The following LARP4 variants were observed in gnomAD, a reference collection of about 807,000 sequenced individuals.
LARP4 encodes la-related protein 4.
In LARP4, 29 loss-of-function variants were observed where a neutral mutation model predicts 92.9. The ratio of observed to expected loss-of-function variants is 0.31; its 90% CI spans 0.23 to 0.43. The LOEUF (loss-of-function observed/expected upper bound fraction) is 0.43, where lower values mean the gene tolerates loss of function less well. LARP4 is among the 20% of genes least tolerant of loss of function. The pLI, the probability that LARP4 is intolerant of heterozygous loss-of-function variation, is 1.00. For missense variants in LARP4, 732 were observed against 860.0 expected (o/e 0.85, Z 1.86); for synonymous variants, 279 against 284.1 (o/e 0.98, Z 0.18).
chr12:50,427,246 A>G (rs1948936445), intron 1 of LARP4, among the ~76,000 whole-genome samples: 1 of 152,268 alleles, frequency 6.6e-6, no homozygotes, highest in Non-Finnish European at 1.5e-5. Flanking sequence ...CTGGAAAATT[A>G]CTGTAGATAA....
intron 13 of LARP4, among the ~76,000 whole-genome samples, chr12:50,471,400 A>G (rs551343205): frequency 6.1e-4 from 93 of 152,302 alleles, no homozygotes; most frequent in African/African-American, 2.1e-3. Flanking sequence ...GTGATATTCT[A>G]TTGTAGGAAG....
chr12:50,462,066 T>C (rs2138702569), intron 11 of LARP4, among the ~76,000 whole-genome samples: 1 of 152,352 alleles, frequency 6.6e-6, no homozygotes, highest in South Asian at 2.1e-4. Flanking sequence ...GGGCTCATCT[T>C]ACTTTATGGT....
chr12:50,448,002 G>A (rs1952504834), intron 8 of LARP4, among the ~76,000 whole-genome samples: 1 of 152,072 alleles, frequency 6.6e-6, no homozygotes, highest in Non-Finnish European at 1.5e-5. Context: ...GAGTAGCTGG[G>A]ATTACAGGCA....
At chr12:50,461,397 G>T (rs746870293) in intron 11 of LARP4, 50 bp downstream of exon 11, 4 of 1,484,870 alleles carry the variant, frequency 2.7e-6, no homozygotes, top group Admixed American at 3.8e-5. Flanking sequence ...TGATCATCCT[G>T]AATAATTGAA....
chr12:50,425,330 C>A (rs914568971), intron 1 of LARP4, among the ~76,000 whole-genome samples: 1 of 152,016 alleles, frequency 6.6e-6, no homozygotes, highest in Non-Finnish European at 1.5e-5. Context: ...TGTATTTATT[C>A]GGATTTAATG....
At chr12:50,450,091 G>A (rs1444428174) in intron 8 of LARP4, among the ~76,000 whole-genome samples, 2 of 151,798 alleles carry the variant, frequency 1.3e-5, no homozygotes, top group African/African-American at 2.4e-5. Context: ...GCACCACCAC[G>A]CCCAGCTAAT....
At position 50,467,140 on chromosome 12, in the gene LARP4, G is replaced by A; in HGVS notation, c.1545+20G>A. 1.9e-6 allele frequency: 3 copies of A among 1,575,280 alleles called. No individual in the cohort carries two copies. The highest frequency in any genetic ancestry group is 2.6e-6 in the Non-Finnish European group (3 of 1,150,516). Reference sequence around the variant, plus strand: ...GAAAAGGTAAACACCCAGCATCTGAGTCTTACCTTATGAGACCATATTTAG... The same window carrying A: ...GAAAAGGTAAACACCCAGCATCTGAATCTTACCTTATGAGACCATATTTAG... On this transcript the variant is annotated intron_variant, in intron 13 of 15. Transcript: ENST00000398473.
At chr12:50,439,774 A>C in intron 6 of LARP4, among the ~76,000 whole-genome samples, 1 of 151,820 alleles carries the variant, frequency 6.6e-6, no homozygotes, top group East Asian at 1.9e-4. Flanking sequence ...ATGTTCACTT[A>C]ATTTTTTTTT....
intron 5 of LARP4, 136 bp downstream of exon 5, chr12:50,435,760 C>T (rs1431807028): frequency 9.3e-6 from 6 of 647,514 alleles, no homozygotes; most frequent in African/African-American, 5.6e-5. Context: ...CGAATTCTCT[C>T]TCTTTGTTTT....
intron 1 of LARP4, among the ~76,000 whole-genome samples, chr12:50,427,371 T>G (rs1322899090): frequency 6.6e-6 from 1 of 152,144 alleles, no homozygotes; most frequent in Non-Finnish European, 1.5e-5. Flanking sequence ...TCTATTTTAT[T>G]TATTTTTCTG....
In LARP4 at chr12:50,440,425, C is replaced by T. The variant is rs758494869; in HGVS notation, c.640-14C>T. 1.3e-6 allele frequency: 2 copies of T among 1,594,156 alleles called. No individual in the cohort carries two copies. Among genetic ancestry groups the T allele is most frequent in the Non-Finnish European group, 1.7e-6 (2 of 1,163,866 alleles). Reference sequence around the variant, plus strand: ...GTATTTTTTAGAGTTAACTAATTTTCTTTTTCTTTTTAGGAAGTGAAAGGT... The same window carrying T: ...GTATTTTTTAGAGTTAACTAATTTTTTTTTTCTTTTTAGGAAGTGAAAGGT... On this transcript the variant is annotated splice_polypyrimidine_tract_variant and intron_variant, in intron 6 of 15. Transcript: ENST00000398473.
At chr12:50,470,685 C>T (rs895244270) in intron 13 of LARP4, among the ~76,000 whole-genome samples, 2 of 152,000 alleles carry the variant, frequency 1.3e-5, no homozygotes, top group South Asian at 2.1e-4. Flanking sequence ...CCACCGTGCC[C>T]GGCCATGTAT....
Position 50,446,333 on chromosome 12 carries a change from C to G in LARP4, c.804+4690C>G, listed in dbSNP as rs1449455402. Among the ~76,000 whole-genome samples, 143 of 15,086 alleles carry G rather than the reference C, an allele frequency of 9.5e-3. 4 individuals are homozygous for G. Among genetic ancestry groups the G allele is most frequent in the Non-Finnish European group, 0.042 (104 of 2,506 alleles). The allele number at this position is 15,086 out of a possible 152,430, so 9.9% of individuals were successfully genotyped here. A position where few individuals can be genotyped will look rare whatever the true frequency, so the allele number is the denominator to read the frequency against. On this transcript the variant is annotated intron_variant, in intron 8 of 15. Transcript: ENST00000398473. ...TTGCTGTTTTCTTGACTAGTGGTCT[C>G]TCTCTCTCCCTCTCTCTCTCTCTCT...
chr12:50,411,040 A>G (rs1210956975), intron 1 of LARP4, among the ~76,000 whole-genome samples: 1 of 152,164 alleles, frequency 6.6e-6, no homozygotes. Context: ...TGGTGGAAAC[A>G]ACTTAGGGTG....
chr12:50,429,537 CTG>C (rs1329251245), intron 3 of LARP4, among the ~76,000 whole-genome samples: 9 of 151,906 alleles, frequency 5.9e-5, no homozygotes, highest in African/African-American at 1.9e-4. Context: ...CAGAGTGAAA[CTG>C]TGTCTGAAAA....
At chr12:50,418,099 G>A (rs1947153008) in intron 1 of LARP4, among the ~76,000 whole-genome samples, 1 of 152,190 alleles carries the variant, frequency 6.6e-6, no homozygotes, top group Non-Finnish European at 1.5e-5. Context: ...GATCTCAGGT[G>A]ATCCACCCGC....
chr12:50,445,013 C>A (rs1204368589), intron 8 of LARP4, among the ~76,000 whole-genome samples: 1 of 136,398 alleles, frequency 7.3e-6, no homozygotes, highest in Non-Finnish European at 1.6e-5. Flanking sequence ...TCGCACCCAC[C>A]CCCGGCCCGA....
chr12:50,473,825 G>T (rs1957228519), intron 14 of LARP4, among the ~76,000 whole-genome samples, 174 bp from the exon 15 acceptor site: 1 of 138,024 alleles, frequency 7.2e-6, no homozygotes, highest in Non-Finnish European at 1.6e-5. Flanking sequence ...GGGGGGGGTG[G>T]GGGGTGCGGG....
chr12:50,436,307 A>G (rs1565609629), intron 5 of LARP4, among the ~76,000 whole-genome samples: 5 of 150,860 alleles, frequency 3.3e-5, no homozygotes, highest in Admixed American at 1.3e-4. Context: ...GTGAGCCACC[A>G]CCCCCGGCCT....
Sources: gnomAD v4.1 joint callset for allele counts (sites outside exome capture counted in the v4.1 genomes callset) on GRCh38, gnomAD v4.1.1 for gene constraint, MANE v1.5 for transcripts, NCBI Gene and HGNC (gene_info 2026-07-23, HGNC 2026-07-21) for gene names.